The following PDE4D variants were observed in gnomAD, a reference collection of about 807,000 sequenced individuals.
The protein encoded by PDE4D is 3',5'-cyclic-AMP phosphodiesterase 4D.
PDE4D carries 24 observed loss-of-function variants against 87.4 expected under a neutral mutation model. The ratio of observed to expected loss-of-function variants is 0.27; its 90% CI spans 0.20 to 0.39. PDE4D has a LOEUF of 0.39. Ranked by LOEUF, PDE4D falls within the 10% of genes least tolerant of loss-of-function variation. The pLI is 1.00. For missense variants in PDE4D, 714 were observed against 1,041.0 expected (o/e 0.69, Z 4.32); for synonymous variants, 384 against 383.2 (o/e 1.00, Z -0.02).
intron 1 of PDE4D, among the ~76,000 whole-genome samples, chr5:60,444,817 T>TG (rs1420365883): frequency 6.6e-6 from 1 of 151,296 alleles, no homozygotes; most frequent in South Asian, 2.1e-4. Flanking sequence ...CAAGCCGTTC[T>TG]GGGGGGTCTG....
chr5:60,316,642 A>C (rs1307898587), intron 1 of PDE4D, among the ~76,000 whole-genome samples: 4 of 152,132 alleles, frequency 2.6e-5, no homozygotes, highest in Non-Finnish European at 4.4e-5. Flanking sequence ...GATAGCTCTT[A>C]TTATTTTGAG....
At chr5:60,179,776 A>G (rs1202136470) in intron 2 of PDE4D, among the ~76,000 whole-genome samples, 5 of 152,168 alleles carry the variant, frequency 3.3e-5, no homozygotes, top group African/African-American at 9.6e-5. Flanking sequence ...TGCCATTTCA[A>G]TAGTGAAAAA....
chr5:59,383,526 C>T (rs907177196), intron 1 of PDE4D, among the ~76,000 whole-genome samples: 8 of 152,106 alleles, frequency 5.3e-5, no homozygotes, highest in African/African-American at 9.7e-5. Flanking sequence ...CCTTCTAAGA[C>T]GCTACACAAT....
intron 1 of PDE4D, among the ~76,000 whole-genome samples, chr5:59,259,967 A>G (rs1386560734): frequency 6.6e-6 from 1 of 151,844 alleles, no homozygotes; most frequent in East Asian, 1.9e-4. Flanking sequence ...GTTTCCATGA[A>G]TTTAACATTT....
At chr5:59,649,346 G>A (rs753639577) in intron 1 of PDE4D, among the ~76,000 whole-genome samples, 12 of 152,234 alleles carry the variant, frequency 7.9e-5, no homozygotes, top group South Asian at 2.1e-4. Context: ...CTTTGGGAAC[G>A]TGCTTGCATG....
intron 1 of PDE4D, among the ~76,000 whole-genome samples, chr5:59,625,191 G>A (rs1218373951): frequency 6.6e-6 from 1 of 152,154 alleles, no homozygotes; most frequent in East Asian, 1.9e-4. Flanking sequence ...AAGGAAGTCA[G>A]AGAGATGAAG....
chr5:59,380,932 G>A (rs1280943441), intron 1 of PDE4D, among the ~76,000 whole-genome samples: 1 of 152,010 alleles, frequency 6.6e-6, no homozygotes, highest in Non-Finnish European at 1.5e-5. Flanking sequence ...ATTACAGATT[G>A]TCTACAGATA....
chr5:59,261,532 C>T (rs930206056), intron 1 of PDE4D, among the ~76,000 whole-genome samples: 13 of 151,714 alleles, frequency 8.6e-5, no homozygotes, highest in African/African-American at 2.9e-4. Flanking sequence ...AAAGGTCTCC[C>T]GAAGATTATC....
intron 5 of PDE4D, among the ~76,000 whole-genome samples, chr5:59,124,552 C>T (rs1360456153): frequency 6.6e-6 from 1 of 152,166 alleles, no homozygotes; most frequent in Non-Finnish European, 1.5e-5. Flanking sequence ...TTAACCTACC[C>T]ATATCAGTTA....
intron 2 of PDE4D, among the ~76,000 whole-genome samples, chr5:60,016,067 A>T (rs1216494019): frequency 6.6e-6 from 1 of 151,684 alleles, no homozygotes; most frequent in Non-Finnish European, 1.5e-5. Flanking sequence ...GTGTGTGTAT[A>T]CATACATATA....
chr5:60,320,021 A>C lies in PDE4D; in HGVS notation c.-89-134334T>G, dbSNP rs190440384. Among the ~76,000 whole-genome samples, 875 of 152,286 alleles carry C rather than the reference A, an allele frequency of 5.7e-3. 13 individuals are homozygous for C. The highest frequency in any genetic ancestry group is 0.02 in the African/African-American group (831 of 41,556). On this transcript the variant is annotated intron_variant, in intron 1 of 16. Coordinates refer to the PDE4D transcript ENST00000502484. The stretch of plus-strand genomic sequence containing the variant: ...CTCTCTTCAAAGCTGTCAGACAGGG[A>C]CATTTAAGTCTGCAGAGGATTCTGC...
intron 6 of PDE4D, among the ~76,000 whole-genome samples, chr5:59,036,886 A>G (rs1580443251): frequency 6.6e-6 from 1 of 152,192 alleles, no homozygotes; most frequent in Non-Finnish European, 1.5e-5. Flanking sequence ...TAGAATGACT[A>G]CATTTTGAAA....
chr5:59,288,286 G>A (rs561190928), intron 1 of PDE4D, among the ~76,000 whole-genome samples: 1 of 151,942 alleles, frequency 6.6e-6, no homozygotes, highest in South Asian at 2.1e-4. Context: ...AAATTCTGGA[G>A]TTAAAACACG....
chr5:59,946,569 AC>A (rs1757744732), intron 3 of PDE4D, among the ~76,000 whole-genome samples: 1 of 152,182 alleles, frequency 6.6e-6, no homozygotes, highest in African/African-American at 2.4e-5. Context: ...GAAGAAGGAC[AC>A]CCATTTTTCT....
chr5:59,897,648 G>A (rs1467337137), upstream of PDE4D, among the ~76,000 whole-genome samples: 1 of 148,768 alleles, frequency 6.7e-6, no homozygotes, highest in Admixed American at 6.8e-5. Flanking sequence ...TCCCCTCCCT[G>A]TGTCCACGTG....
intron 1 of PDE4D, among the ~76,000 whole-genome samples, chr5:59,737,770 A>T (rs1418931416): frequency 6.6e-6 from 1 of 152,050 alleles, no homozygotes; most frequent in East Asian, 1.9e-4. Flanking sequence ...GATTTTTACC[A>T]TTTTCATGAG....
chr5:60,035,188 G>A (rs555937570), intron 2 of PDE4D, among the ~76,000 whole-genome samples: 18 of 151,940 alleles, frequency 1.2e-4, no homozygotes, highest in East Asian at 5.8e-4. Context: ...CCCAGGAGGC[G>A]GAGGTGGCAG....
At chr5:59,119,802 G>A (rs554357103) in intron 5 of PDE4D, among the ~76,000 whole-genome samples, 1 of 152,218 alleles carries the variant, frequency 6.6e-6, no homozygotes, top group East Asian at 1.9e-4. Flanking sequence ...TGGATATGAA[G>A]TGCTAGAGAC....
chr5:59,332,541 C>G (rs1357160396), intron 1 of PDE4D, among the ~76,000 whole-genome samples: 1 of 152,132 alleles, frequency 6.6e-6, no homozygotes, highest in African/African-American at 2.4e-5. Flanking sequence ...CTCCATTTTC[C>G]TGTCCTTAAG....
Sources: gnomAD v4.1 joint callset for allele counts (sites outside exome capture counted in the v4.1 genomes callset) on GRCh38, gnomAD v4.1.1 for gene constraint, MANE v1.5 for transcripts, NCBI Gene and HGNC (gene_info 2026-07-23, HGNC 2026-07-21) for gene names.